Variants in DYNC2I2 observed in about 807,000 individuals in gnomAD.
DYNC2I2 encodes cytoplasmic dynein 2 intermediate chain 2.
A neutral mutation model predicts 52.0 loss-of-function variants in DYNC2I2; 39 were observed. That is an observed-to-expected ratio of 0.75 (90% CI 0.58 to 0.98). The LOEUF (loss-of-function observed/expected upper bound fraction) is 0.98, where lower values mean the gene tolerates loss of function less well. Ranked by LOEUF, DYNC2I2 falls within the 50% of genes least tolerant of loss-of-function variation. The pLI is 0.00. For synonymous variants in DYNC2I2, 359 were observed against 321.1 expected, an observed-to-expected ratio of 1.12 and a Z score of -1.26; for missense variants, 743 against 728.4, an observed-to-expected ratio of 1.02 and a Z score of -0.23.
In DYNC2I2 at chr9:128,634,375, AAG is replaced by A; in HGVS notation, c.1221_1222del (p.Phe408ProfsTer6). The A allele has an allele frequency of 3.1e-6, 5 of 1,590,582 alleles. No homozygotes were observed. Among genetic ancestry groups the A allele is most frequent in the Non-Finnish European group, 3.4e-6 (4 of 1,169,590 alleles). ...ATGCCCGTCAGTCCCAGCGCTCAGG[AAG>A]AGATTCCTAGACGGGATGCAGGGGG... On this transcript the variant is annotated frameshift_variant, in exon 8 of 9. Transcript: ENST00000372715. LOFTEE classifies it high-confidence loss of function.
chr9:128,675,031 T>C, the DYNC2I2 span, among the ~76,000 whole-genome samples: 1 of 152,152 alleles, frequency 6.6e-6, no homozygotes, highest in Non-Finnish European at 1.5e-5. Context: ...CTTGCTTCAC[T>C]GTCAGCCTTC....
At chr9:128,679,063 C>T in the DYNC2I2 span, among the ~76,000 whole-genome samples, 4 of 151,790 alleles carry the variant, frequency 2.6e-5, no homozygotes, top group African/African-American at 7.3e-5. Flanking sequence ...AGCAAGACTC[C>T]GTCACAAAAT....
At position 128,636,435 on chromosome 9, in the gene DYNC2I2, CAGCCTGTG is replaced by C; in HGVS notation, c.546-5_548del. 1 of 1,602,286 alleles carries C rather than the reference CAGCCTGTG, an allele frequency of 6.2e-7. No individual in the cohort carries two copies. Among genetic ancestry groups the C allele is most frequent in the Non-Finnish European group, 8.5e-7 (1 of 1,177,248 alleles). ...TAAGCGTGCTCCAGTCCCCATGGTC[CAGCCTGTG>C]CAGGGACAGGCTTGAGCCGGCTGTG... is the stretch of plus-strand genomic sequence containing the variant. On this transcript the variant is annotated splice_acceptor_variant and splice_polypyrimidine_tract_variant and coding_sequence_variant and intron_variant, in exon 4 of 9. Coordinates refer to ENST00000372715, the MANE Select transcript of DYNC2I2 (RefSeq NM_052844.4). LOFTEE classifies it high-confidence loss of function.
upstream of DYNC2I2, among the ~76,000 whole-genome samples, chr9:128,661,586 C>T (rs1385901119): frequency 6.6e-6 from 1 of 152,092 alleles, no homozygotes; most frequent in Non-Finnish European, 1.5e-5. Context: ...CCGTTGCACT[C>T]CAGCCTGGGC....
In DYNC2I2 at chr9:128,633,772, T is replaced by TC; in HGVS notation, c.1582dup (p.Asp528GlyfsTer33). 1 of 1,613,456 alleles carries TC rather than the reference T, an allele frequency of 6.2e-7. No individual in the cohort carries two copies. The highest frequency in any genetic ancestry group is 2.2e-5 in the East Asian group (1 of 44,886). On this transcript the variant is annotated frameshift_variant, in exon 9 of 9. Transcript: ENST00000372715. LOFTEE classifies it high-confidence loss of function. Reference sequence around the variant, plus strand: ...GGCCGCCACCTCTGCTGCCAGGCAGTCCAGGTCCTCAGCTTCCCGGGGCCC... The same window carrying TC: ...GGCCGCCACCTCTGCTGCCAGGCAGTCCCAGGTCCTCAGCTTCCCGGGGCCC...
At chr9:128,669,485 G>T in the DYNC2I2 span, among the ~76,000 whole-genome samples, 1 of 152,178 alleles carries the variant, frequency 6.6e-6, no homozygotes, top group Non-Finnish European at 1.5e-5. Flanking sequence ...ATCACCTGAG[G>T]TCGGGAGTTC....
chr9:128,638,638 C>T (rs1165201743), intron 2 of DYNC2I2, among the ~76,000 whole-genome samples: 3 of 152,218 alleles, frequency 2.0e-5, no homozygotes, highest in Non-Finnish European at 4.4e-5. Flanking sequence ...CAAGAGGTGC[C>T]TCTGCTGTGG....
intron 1 of DYNC2I2, among the ~76,000 whole-genome samples, chr9:128,645,479 T>C (rs1328894395): frequency 6.8e-6 from 1 of 146,732 alleles, no homozygotes; most frequent in Non-Finnish European, 1.5e-5. Context: ...TACCCAGGCA[T>C]GGTGGCGGGC....
chr9:128,664,803 A>G, the DYNC2I2 span, among the ~76,000 whole-genome samples: 1 of 151,692 alleles, frequency 6.6e-6, no homozygotes. Flanking sequence ...GTTTTTCAAC[A>G]TTATACATGC....
the DYNC2I2 span, among the ~76,000 whole-genome samples, chr9:128,681,502 C>G: frequency 1.3e-5 from 2 of 152,180 alleles, no homozygotes; most frequent in South Asian, 2.1e-4. Flanking sequence ...ATGAATCTTG[C>G]TGCTGTGAAC....
At position 128,634,314 on chromosome 9, in the gene DYNC2I2, CAAGG is replaced by C; in HGVS notation, c.1280_1283del (p.Pro427ArgfsTer48). On this transcript the variant is annotated frameshift_variant, in exon 8 of 9. Coordinates refer to ENST00000372715, the MANE Select transcript of DYNC2I2 (RefSeq NM_052844.4). LOFTEE classifies it high-confidence loss of function. ...ACTTGAGGGAGAGCTGCAGCGAAGT[CAAGG>C]GAGGGGCCTGCAGCATGGAGTACAG... The C allele has an allele frequency of 6.2e-7, 1 of 1,613,442 alleles. No individual in the cohort carries two copies.
At chr9:128,657,938 T>G (rs1860864071), upstream of DYNC2I2, among the ~76,000 whole-genome samples, 1 of 151,908 alleles carries the variant, frequency 6.6e-6, no homozygotes, top group Non-Finnish European at 1.5e-5. Context: ...AAAAAAAATT[T>G]TTTAATTGGC....
intron 1 of DYNC2I2, among the ~76,000 whole-genome samples, chr9:128,647,997 G>C (rs79213749): frequency 0.021 from 3,124 of 152,168 alleles, 36 homozygotes; most frequent in Non-Finnish European, 0.031. Context: ...CTGAGGCCCA[G>C]AAAGGTGAGG....
chr9:128,667,907 A>AC, the DYNC2I2 span, among the ~76,000 whole-genome samples: 9 of 124,572 alleles, frequency 7.2e-5, no homozygotes, highest in African/African-American at 2.7e-4. Context: ...CAATTTTTGT[A>AC]TTTGTAGTAG....
chr9:128,672,366 A>G, the DYNC2I2 span, among the ~76,000 whole-genome samples: 3 of 151,678 alleles, frequency 2.0e-5, no homozygotes, highest in Non-Finnish European at 4.4e-5. Context: ...GCTAATTTTT[A>G]TAGTTTCAGT....
the DYNC2I2 span, among the ~76,000 whole-genome samples, chr9:128,677,618 C>T: frequency 6.6e-6 from 1 of 150,668 alleles, no homozygotes; most frequent in Admixed American, 6.7e-5. Flanking sequence ...ACCAATGTGG[C>T]GAAACCCCGT....
At chr9:128,677,679 C>T in the DYNC2I2 span, among the ~76,000 whole-genome samples, 1 of 151,146 alleles carries the variant, frequency 6.6e-6, no homozygotes, top group East Asian at 2.0e-4. Context: ...TGCTGGCAGG[C>T]ACCTGTAATT....
At chr9:128,671,470 CTTT>C in the DYNC2I2 span, among the ~76,000 whole-genome samples, 4 of 107,752 alleles carry the variant, frequency 3.7e-5, no homozygotes, top group Admixed American at 9.5e-5. Context: ...CTGGCTAATT[CTTT>C]TTTTTTTTTT....
At chr9:128,669,470 G>A in the DYNC2I2 span, among the ~76,000 whole-genome samples, 2 of 152,178 alleles carry the variant, frequency 1.3e-5, no homozygotes, top group African/African-American at 4.8e-5. Context: ...GGCTGAGGTG[G>A]TCAGATCACC....
Sources: gnomAD v4.1 joint callset for allele counts (sites outside exome capture counted in the v4.1 genomes callset) on GRCh38, gnomAD v4.1.1 for gene constraint, MANE v1.5 for transcripts, NCBI Gene and HGNC (gene_info 2026-07-23, HGNC 2026-07-21) for gene names.